Variants in NRXN1 observed in about 807,000 individuals in gnomAD.
The protein encoded by NRXN1 is neurexin 1.
Under a neutral mutation model 150.9 loss-of-function variants are expected in NRXN1, and 39 were observed. The ratio of observed to expected loss-of-function variants is 0.26; its 90% CI spans 0.20 to 0.34. The LOEUF (loss-of-function observed/expected upper bound fraction) is 0.34, where lower values mean the gene tolerates loss of function less well. NRXN1 is among the 10% of genes least tolerant of loss of function. NRXN1 has a pLI of 1.00. For missense variants in NRXN1, 1,815 were observed against 1,949.9 expected (o/e 0.93, Z 1.30); for synonymous variants, 924 against 757.0 (o/e 1.22, Z -3.62).
At chr2:50,184,314 G>A (rs993632899) in intron 18 of NRXN1, among the ~76,000 whole-genome samples, 1 of 151,718 alleles carries the variant, frequency 6.6e-6, no homozygotes, top group Non-Finnish European at 1.5e-5. Flanking sequence ...ACATTTTCAG[G>A]GCCGAAATAA....
At chr2:50,603,203 T>A (rs1307832407) in intron 8 of NRXN1, among the ~76,000 whole-genome samples, 1 of 152,202 alleles carries the variant, frequency 6.6e-6, no homozygotes, top group African/African-American at 2.4e-5. Flanking sequence ...TTTGAATTTT[T>A]AAAAACATCA....
At chr2:50,227,628 C>G (rs772654391) in intron 18 of NRXN1, among the ~76,000 whole-genome samples, 1 of 151,906 alleles carries the variant, frequency 6.6e-6, no homozygotes, top group African/African-American at 2.4e-5. Flanking sequence ...GGTTGAAACA[C>G]CACAATTTTA....
chr2:50,187,135 C>A (rs1281625113), intron 18 of NRXN1, among the ~76,000 whole-genome samples: 3 of 151,980 alleles, frequency 2.0e-5, no homozygotes, highest in African/African-American at 7.2e-5. Context: ...AAAGATCACA[C>A]CTAAAACATG....
intron 2 of NRXN1, among the ~76,000 whole-genome samples, chr2:50,975,983 CTTTTTACATATA>C (rs1199857122): frequency 6.6e-6 from 1 of 151,962 alleles, no homozygotes; most frequent in Non-Finnish European, 1.5e-5. Context: ...TGGCACAATT[CTTTTTACATATA>C]TATTTTTTAT....
At chr2:50,458,101 G>A (rs2087764809) in intron 17 of NRXN1, among the ~76,000 whole-genome samples, 2 of 152,058 alleles carry the variant, frequency 1.3e-5, no homozygotes, top group African/African-American at 2.4e-5. Context: ...GTGGATAAAC[G>A]GATAAAGAAA....
At chr2:50,560,804 C>T (rs1668957315) in intron 8 of NRXN1, among the ~76,000 whole-genome samples, 1 of 152,028 alleles carries the variant, frequency 6.6e-6, no homozygotes, top group African/African-American at 2.4e-5. Context: ...GCAAGTTGAT[C>T]TTTTTTTCCC....
At chr2:50,695,732 G>T (rs1412974615) in intron 5 of NRXN1, among the ~76,000 whole-genome samples, 7 of 152,020 alleles carry the variant, frequency 4.6e-5, no homozygotes, top group African/African-American at 1.7e-4. Context: ...GAAGATAAAT[G>T]GTTAGATATC....
At chr2:49,968,324 T>C (rs2152492108) in intron 21 of NRXN1, among the ~76,000 whole-genome samples, 1 of 152,252 alleles carries the variant, frequency 6.6e-6, no homozygotes, top group Admixed American at 6.5e-5. Context: ...TGGCTAATTT[T>C]AATGAATAAA....
At chr2:50,591,834 A>C (rs1205891667) in intron 8 of NRXN1, among the ~76,000 whole-genome samples, 1 of 152,224 alleles carries the variant, frequency 6.6e-6, no homozygotes. Context: ...CCTTCAGCGA[A>C]GATTTCGGCT....
rs796386841 is a variant in NRXN1, at chr2:49,984,314, C to A, written c.4129-40523G>T. 7.2e-5 allele frequency among the ~76,000 whole-genome samples: 11 copies of A among 152,210 alleles called. 1 individual carries two copies. In the South Asian group the frequency reaches 1.2e-3, roughly 17 times the overall value. Reference sequence around the variant, plus strand: ...ACCAGAATTCACATATTTTAAGCCACATTTTAGCCTTCATTCTAGTAAAAT... The same window carrying A: ...ACCAGAATTCACATATTTTAAGCCAAATTTTAGCCTTCATTCTAGTAAAAT... On this transcript the variant is annotated intron_variant, in intron 21 of 22. Transcript: ENST00000401669.
rs894518043 is a variant in NRXN1 at position 50,070,840 on chromosome 2, A to G, written c.3719-15796T>C. Among the ~76,000 whole-genome samples the G allele has an allele frequency of 3.3e-5, 5 of 152,290 alleles. No homozygotes were observed. The South Asian group carries it at 1.0e-3, about 32-fold the overall frequency. On this transcript the variant is annotated intron_variant, in intron 19 of 22. Transcript: ENST00000401669. ...GACTAAGTAGAGATCACCAATTAAAACCCAGGCATCCTAAATAATGCAGTA... is the reference window on the plus strand; with the variant it reads ...GACTAAGTAGAGATCACCAATTAAAGCCCAGGCATCCTAAATAATGCAGTA...
chr2:50,472,361 G>A lies in NRXN1; in HGVS notation c.3181C>T (p.Arg1061Trp), dbSNP rs765632172. Reference protein sequence around the residue: ...GCLASVDLNGRLPDLISDALF... With the variant: ...GCLASVDLNGWLPDLISDALF... The stretch of plus-strand genomic sequence containing the variant: ...GCATCGGAGATGAGGTCCGGAAGCC[G>A]TCCATTTAAATCAACTGATGCCAGG... The change falls in exon 16 of 23, where the codon CGG (arginine) becomes TGG (tryptophan). Residue 1061 changes from arginine to tryptophan, a missense_variant. Arg to Trp is a moderately radical substitution (Grantham distance 101, BLOSUM62 -3). This residue lies in a region of NRXN1 where 339 missense variants were observed against 440.3 expected (regional missense o/e 0.77). Transcript: ENST00000401669. 6.8e-6 allele frequency: 11 copies of A among 1,611,788 alleles called. No homozygotes were observed. The highest frequency in any genetic ancestry group is 1.3e-5 in the African/African-American group (1 of 74,740).
At chr2:50,278,415 G>C (rs778739024) in intron 17 of NRXN1, among the ~76,000 whole-genome samples, 3 of 148,246 alleles carry the variant, frequency 2.0e-5, no homozygotes, top group Non-Finnish European at 4.4e-5. Flanking sequence ...GCCTCCCAAA[G>C]TGCTGGGATT....
intron 5 of NRXN1, among the ~76,000 whole-genome samples, chr2:50,746,248 C>T (rs1259479730): frequency 2.0e-5 from 3 of 151,928 alleles, no homozygotes; most frequent in Non-Finnish European, 2.9e-5. Flanking sequence ...GGTGAGCAAG[C>T]GTACTACTGT....
At position 50,751,491 on chromosome 2, in the gene NRXN1, G is replaced by A. The variant is rs1700588787; in HGVS notation, c.833-127876C>T. 2.0e-5 allele frequency among the ~76,000 whole-genome samples: 3 copies of A among 151,926 alleles called. 1 individual carries two copies. In the South Asian group the frequency reaches 6.2e-4, roughly 32 times the overall value. On this transcript the variant is annotated intron_variant, in intron 5 of 22. Transcript: ENST00000401669. ...TGTGGAAGGTATAACTGCTTTGCAT[G>A]GTTATAAGCCTGCCAGAAAACATGC...
chr2:50,319,332 C>T (rs1307860349), intron 17 of NRXN1, among the ~76,000 whole-genome samples: 5 of 152,218 alleles, frequency 3.3e-5, no homozygotes, highest in Non-Finnish European at 7.4e-5. Context: ...TAAAACGTAG[C>T]ATAAAGTTAC....
At chr2:50,047,756 G>A (rs998108951) in intron 21 of NRXN1, among the ~76,000 whole-genome samples, 34 of 149,536 alleles carry the variant, frequency 2.3e-4, no homozygotes, top group African/African-American at 7.4e-4. Flanking sequence ...CACACTATTC[G>A]TTTTCTTGTC....
At position 49,921,272 on chromosome 2, in the gene NRXN1, GA is replaced by G. The variant is rs1339936327; in HGVS notation, c.*671del. 6.6e-6 allele frequency: 1 copy of G among 152,448 alleles called. No individual in the cohort carries two copies. The highest frequency in any genetic ancestry group is 1.5e-5 in the Non-Finnish European group (1 of 67,998). The allele number at this position is 152,448 out of a possible 1,614,324, so 9.4% of individuals were successfully genotyped here. On this transcript the variant is annotated 3_prime_UTR_variant, in exon 23 of 23. Transcript: ENST00000401669. ...ATCTATGCCCTCTTGTTTTTGTTTT[GA>G]AATTTTGTGTGAAAACGTGCCTTAT...
At chr2:50,139,848 TTC>T (rs1381411519) in intron 18 of NRXN1, among the ~76,000 whole-genome samples, 1 of 152,178 alleles carries the variant, frequency 6.6e-6, no homozygotes, top group Non-Finnish European at 1.5e-5. Context: ...TAATTTATAA[TTC>T]TGTTTGTTTT....
Sources: gnomAD v4.1 joint callset for allele counts (sites outside exome capture counted in the v4.1 genomes callset) on GRCh38, gnomAD v4.1.1 for gene constraint, gnomAD v4.1.1 regional missense constraint, MANE v1.5 for transcripts, NCBI Gene and HGNC (gene_info 2026-07-23, HGNC 2026-07-21) for gene names.